AGBL1: variants seen among roughly 807,000 people sequenced by gnomAD.
AGBL1 encodes the protein cytosolic carboxypeptidase 4.
A neutral mutation model predicts 118.9 loss-of-function variants in AGBL1; 130 were observed. The ratio of observed to expected loss-of-function variants is 1.09; its 90% CI spans 0.95 to 1.26. The LOEUF (loss-of-function observed/expected upper bound fraction) is 1.26, where lower values mean the gene tolerates loss of function less well. Among genes scored for constraint, AGBL1 ranks in the 50% most tolerant of loss-of-function variants. AGBL1 has a pLI of 0.00. For synonymous variants in AGBL1, 555 were observed against 478.9 expected (o/e 1.16, Z -2.08); for missense variants, 1,584 against 1,298.1 (o/e 1.22, Z -3.38).
At chr15:86,676,035 C>A (rs889989784) in intron 22 of AGBL1, among the ~76,000 whole-genome samples, 6 of 152,112 alleles carry the variant, frequency 3.9e-5, no homozygotes, top group African/African-American at 1.4e-4. Flanking sequence ...TTGCCTCCAC[C>A]CTTCCACACC....
intron 1 of AGBL1, among the ~76,000 whole-genome samples, chr15:86,115,341 T>A (rs1328027127): frequency 6.6e-6 from 1 of 152,218 alleles, no homozygotes; most frequent in Non-Finnish European, 1.5e-5. Flanking sequence ...CACTAGGTTG[T>A]GCTAGAGTAT....
intron 22 of AGBL1, among the ~76,000 whole-genome samples, chr15:86,698,535 A>G (rs961102147): frequency 1.3e-5 from 2 of 151,764 alleles, no homozygotes; most frequent in African/African-American, 4.8e-5. Context: ...GAGATAATCC[A>G]TGGAAGTAAA....
chr15:86,348,210 A>G (rs1433911609), intron 17 of AGBL1, among the ~76,000 whole-genome samples: 1 of 152,252 alleles, frequency 6.6e-6, no homozygotes, highest in African/African-American at 2.4e-5. Context: ...AGCAAGAATA[A>G]GAAAATAAAA....
chr15:86,580,880 C>G lies in AGBL1; in HGVS notation c.2994+26343C>G, dbSNP rs547608080. On this transcript the variant is annotated intron_variant, in intron 21 of 22. Transcript: ENST00000614907. ...AAGAATTTTCCACATTGCTTTGAAGCCTTCATGCTTCTAATATTTGTATTT... is the reference window on the plus strand; with the variant it reads ...AAGAATTTTCCACATTGCTTTGAAGGCTTCATGCTTCTAATATTTGTATTT... 3.9e-5 allele frequency among the ~76,000 whole-genome samples: 6 copies of G among 152,126 alleles called. No individual in the cohort carries two copies. The South Asian group carries it at 8.3e-4, about 21-fold the overall frequency.
chr15:86,323,046 G>T (rs991658025), intron 17 of AGBL1, among the ~76,000 whole-genome samples: 4 of 152,058 alleles, frequency 2.6e-5, no homozygotes, highest in African/African-American at 9.7e-5. Context: ...ATCTCTAGGG[G>T]TTGGCAGGAA....
At chr15:86,650,111 G>A (rs557746128) in intron 21 of AGBL1, among the ~76,000 whole-genome samples, 7 of 152,170 alleles carry the variant, frequency 4.6e-5, no homozygotes, top group African/African-American at 1.7e-4. Flanking sequence ...TCTTTTTGTG[G>A]CACAGGGGGC....
chr15:86,916,825 G>A (rs2080430676), downstream of AGBL1, among the ~76,000 whole-genome samples: 1 of 152,178 alleles, frequency 6.6e-6, no homozygotes, highest in Non-Finnish European at 1.5e-5. Flanking sequence ...AGCGTGAGGT[G>A]GCTCACACTA....
At chr15:86,904,339 A>T (rs1216332777) in intron 22 of AGBL1, among the ~76,000 whole-genome samples, 3 of 151,316 alleles carry the variant, frequency 2.0e-5, no homozygotes, top group Non-Finnish European at 4.4e-5. Context: ...GTGTCTTCTT[A>T]TTTTTTTAGT....
intron 22 of AGBL1, among the ~76,000 whole-genome samples, chr15:86,829,224 C>T (rs1346320147): frequency 6.6e-6 from 1 of 152,048 alleles, no homozygotes; most frequent in Admixed American, 6.6e-5. Context: ...GCACTTTCTA[C>T]CACTAGGTAA....
rs192840264 is a variant in AGBL1 at position 86,475,449 on chromosome 15, C to A, written c.2556-47361C>A. Among the ~76,000 whole-genome samples, 3 of 152,024 alleles carry A rather than the reference C, an allele frequency of 2.0e-5. No homozygotes were observed. The East Asian group carries it at 5.8e-4, about 29-fold the overall frequency. On this transcript the variant is annotated intron_variant, in intron 18 of 22. Coordinates refer to ENST00000614907, the MANE Select transcript of AGBL1 (RefSeq NM_001386094.1). ...AATGCACAAGCTTCAGTAGGCAATT[C>A]GATCAACTGGAAGAAAGGGTATCAG...
intron 18 of AGBL1, among the ~76,000 whole-genome samples, chr15:86,501,490 G>A (rs2082916695): frequency 2.6e-5 from 4 of 151,364 alleles, no homozygotes; most frequent in Admixed American, 2.6e-4. Context: ...AATTGATTTT[G>A]CTTTTGATGT....
chr15:86,724,855 C>G (rs1338204979), intron 22 of AGBL1, among the ~76,000 whole-genome samples: 1 of 152,178 alleles, frequency 6.6e-6, no homozygotes, highest in Non-Finnish European at 1.5e-5. Flanking sequence ...AAGTAGGTTT[C>G]TCTTTCACCT....
chr15:87,007,106 A>G lies in AGBL1; in HGVS notation c.3323+19018A>G, dbSNP rs531921754. 4.6e-5 allele frequency among the ~76,000 whole-genome samples: 7 copies of G among 152,332 alleles called. No individual in the cohort carries two copies. In the East Asian group the frequency reaches 1.2e-3, roughly 25 times the overall value. ...AGTGAAGTTATAGAAAGGGTTCAAA[A>G]AAGAATCACAGAAATTATGCCTTTT... On this transcript the variant is annotated intron_variant, in intron 24 of 24. Transcript: ENST00000441037.
intron 16 of AGBL1, among the ~76,000 whole-genome samples, chr15:86,291,353 G>T (rs973758775): frequency 8.3e-5 from 12 of 144,324 alleles, no homozygotes; most frequent in Non-Finnish European, 1.5e-4. Flanking sequence ...ATGTACAATG[G>T]GTTTATTTAT....
At chr15:86,521,592 C>T (rs986202023) in intron 18 of AGBL1, among the ~76,000 whole-genome samples, 7 of 152,026 alleles carry the variant, frequency 4.6e-5, no homozygotes, top group African/African-American at 1.7e-4. Context: ...GGGAAAGTTC[C>T]CCTGCAGATT....
At chr15:86,469,081 T>C (rs957397121) in intron 18 of AGBL1, among the ~76,000 whole-genome samples, 1 of 152,200 alleles carries the variant, frequency 6.6e-6, no homozygotes, top group Non-Finnish European at 1.5e-5. Context: ...TTTGTTTTTT[T>C]TGTGATGAGA....
At position 86,422,714 on chromosome 15, in the gene AGBL1, TAAAAG is replaced by T. The variant is rs368342186; in HGVS notation, c.2555+25170_2555+25174del. 1.7e-3 allele frequency among the ~76,000 whole-genome samples: 257 copies of T among 151,194 alleles called. 2 individuals carry two copies. Among genetic ancestry groups the T allele is most frequent in the African/African-American group, 6.1e-3 (250 of 41,254 alleles). On this transcript the variant is annotated intron_variant, in intron 18 of 22. Coordinates refer to ENST00000614907, the MANE Select transcript of AGBL1 (RefSeq NM_001386094.1). ...GACCACTAGCCAGACTAATAAAAAA[TAAAAG>T]AGAGAAGAATCAAATAGACATAATA...
At chr15:86,963,801 G>C (rs558664380) in intron 23 of AGBL1, among the ~76,000 whole-genome samples, 10 of 151,850 alleles carry the variant, frequency 6.6e-5, no homozygotes, top group Non-Finnish European at 1.5e-4. Context: ...GTCCTCTGAA[G>C]GCAGTAGCTT....
upstream of AGBL1, chr15:86,079,870 C>A: frequency 1.2e-6 from 1 of 810,148 alleles, no homozygotes; most frequent in African/African-American, 1.7e-5. Context: ...GGCCTCCGGG[C>A]AGTCGTCTCC....
Sources: allele counts gnomAD v4.1 joint callset (sites outside exome capture counted in the v4.1 genomes callset), GRCh38; gene constraint gnomAD v4.1.1; transcripts MANE v1.5; gene names NCBI Gene and HGNC (gene_info 2026-07-23, HGNC 2026-07-21).